PJA2: variants seen among roughly 807,000 people sequenced by gnomAD.
PJA2 encodes praja ring finger ubiquitin ligase 2, also known as E3 ubiquitin-protein ligase Praja-2.
Under a neutral mutation model 69.3 loss-of-function variants are expected in PJA2, and 25 were observed. The observed-to-expected ratio is 0.36, with a 90% CI of 0.26 to 0.50. PJA2 has a LOEUF of 0.50. PJA2 is among the 20% of genes least tolerant of loss of function. The pLI, the probability that PJA2 is intolerant of heterozygous loss-of-function variation, is 0.96. For missense variants in PJA2, 809 were observed against 830.2 expected (o/e 0.97, Z 0.31); for synonymous variants, 308 against 277.8 (o/e 1.11, Z -1.08).
At chr5:109,356,342 G>T (rs1453880773) in intron 6 of PJA2, among the ~76,000 whole-genome samples, 1 of 152,156 alleles carries the variant, frequency 6.6e-6, no homozygotes, top group East Asian at 1.9e-4. Context: ...TACAGGTTGA[G>T]CATCCCAAAT....
chr5:109,399,326 G>T (rs1474475824), intron 1 of PJA2, among the ~76,000 whole-genome samples: 1 of 151,970 alleles, frequency 6.6e-6, no homozygotes, highest in East Asian at 1.9e-4. Context: ...ACTGAGTACA[G>T]ATAAGGAAGA....
chr5:109,368,019 C>G (rs1002693023), intron 5 of PJA2, among the ~76,000 whole-genome samples: 35 of 152,188 alleles, frequency 2.3e-4, no homozygotes, highest in African/African-American at 8.4e-4. Context: ...AGACTGGACA[C>G]AAAGCCATAA....
intron 7 of PJA2, among the ~76,000 whole-genome samples, chr5:109,352,532 T>C (rs1228266666): frequency 6.6e-6 from 1 of 152,138 alleles, no homozygotes; most frequent in Non-Finnish European, 1.5e-5. Flanking sequence ...CAAGGCAGGT[T>C]AAATAATTTG....
intron 1 of PJA2, among the ~76,000 whole-genome samples, chr5:109,386,745 C>T (rs753844521): frequency 2.0e-5 from 3 of 152,042 alleles, no homozygotes; most frequent in Non-Finnish European, 4.4e-5. Flanking sequence ...AAAATACTAT[C>T]TCCCTCATAC....
At chr5:109,350,326 A>G (rs554929626) in intron 7 of PJA2, among the ~76,000 whole-genome samples, 1 of 152,290 alleles carries the variant, frequency 6.6e-6, no homozygotes, top group African/African-American at 2.4e-5. Context: ...AGGCAGTACA[A>G]TGTATTTACA....
rs756722799 is a variant in PJA2 at position 109,383,416 on chromosome 5, T to C, written c.18A>G (p.Glu6=). 9.9e-6 allele frequency: 16 copies of C among 1,613,182 alleles called. No individual in the cohort carries two copies. The highest frequency in any genetic ancestry group is 4.5e-5 in the East Asian group (2 of 44,868). The change falls in exon 2 of 10, where the codon GAA becomes GAG. Residue 6 remains glutamate (E), a synonymous_variant. Transcript: ENST00000361189. MSQYT[E]KEPAAMDQES... ...GACTTTCCTTACCTGCTGGCTCCTT[T>C]TCAGTGTACTGTGACATATATGGCA... is the stretch of plus-strand genomic sequence containing the variant.
intron 1 of PJA2, among the ~76,000 whole-genome samples, chr5:109,406,006 T>C (rs1451124162): frequency 1.3e-5 from 2 of 151,438 alleles, no homozygotes; most frequent in African/African-American, 4.8e-5. Context: ...AAAGAATGTA[T>C]TAAAAAATGC....
At chr5:109,389,989 T>A (rs1421689922) in intron 1 of PJA2, among the ~76,000 whole-genome samples, 2 of 152,048 alleles carry the variant, frequency 1.3e-5, no homozygotes, top group East Asian at 3.9e-4. Flanking sequence ...CTTTGAAGAT[T>A]AATGATACTA....
chr5:109,388,700 T>A (rs1747217324), intron 1 of PJA2, among the ~76,000 whole-genome samples: 1 of 152,174 alleles, frequency 6.6e-6, no homozygotes, highest in African/African-American at 2.4e-5. Context: ...TCAAATACAA[T>A]TTGATCCTTA....
intron 1 of PJA2, among the ~76,000 whole-genome samples, chr5:109,404,837 T>C (rs966011230): frequency 9.9e-5 from 15 of 152,212 alleles, no homozygotes; most frequent in African/African-American, 3.1e-4. Context: ...AGCACCACTC[T>C]ATCACACTCA....
chr5:109,393,864 A>G (rs890932513), intron 1 of PJA2, among the ~76,000 whole-genome samples: 2 of 152,178 alleles, frequency 1.3e-5, no homozygotes, highest in African/African-American at 4.8e-5. Flanking sequence ...AATACAAAAA[A>G]ATTCATGCTG....
intron 1 of PJA2, among the ~76,000 whole-genome samples, chr5:109,388,270 TC>T (rs1306392254): frequency 3.3e-5 from 5 of 152,142 alleles, no homozygotes; most frequent in African/African-American, 1.2e-4. Context: ...ACTAAGGTCT[TC>T]CGGCAACAGC....
intron 5 of PJA2, among the ~76,000 whole-genome samples, chr5:109,368,165 A>G (rs1762616772): frequency 6.6e-6 from 1 of 152,216 alleles, no homozygotes; most frequent in African/African-American, 2.4e-5. Flanking sequence ...ATGCAATTAG[A>G]CAAGAATATG....
At chr5:109,409,471 G>A (rs751032185) in intron 1 of PJA2, among the ~76,000 whole-genome samples, 12 of 152,314 alleles carry the variant, frequency 7.9e-5, no homozygotes, top group South Asian at 2.1e-4. Flanking sequence ...GTACAGTGGC[G>A]AGTGTAGGGG....
chr5:109,366,497 C>G (rs1762587302), intron 5 of PJA2, among the ~76,000 whole-genome samples: 1 of 152,176 alleles, frequency 6.6e-6, no homozygotes, highest in Non-Finnish European at 1.5e-5. Context: ...GAACTCAGCT[C>G]AAAAGTCAAT....
intron 3 of PJA2, among the ~76,000 whole-genome samples, chr5:109,380,923 T>C (rs1436661728): frequency 6.6e-6 from 1 of 151,672 alleles, no homozygotes; most frequent in Non-Finnish European, 1.5e-5. Context: ...GAGATCAGCC[T>C]GGCCAACGTG....
Position 109,344,277 on chromosome 5 carries a change from G to C in PJA2, c.1914C>G (p.Cys638Trp). ...IGQEQCCPIC[C>W]SEYIKDDIAT... The stretch of plus-strand genomic sequence containing the variant: ...CTATATCATCCTTAATATACTCACT[G>C]CAACAGATTGGACAGCATTGTTCCT... The change falls in exon 9 of 10, where the codon TGC becomes TGG. Residue 638 changes from cysteine to tryptophan, a missense_variant. Around this residue, in one of 4 missense-constraint regions of PJA2, gnomAD observed 19 missense variants for 62.9 expected, o/e 0.30. Transcript: ENST00000361189. 1 of 1,609,734 alleles carries C rather than the reference G, an allele frequency of 6.2e-7. No homozygotes were observed. The highest frequency in any genetic ancestry group is 8.5e-7 in the Non-Finnish European group (1 of 1,178,210).
Position 109,381,620 on chromosome 5 carries a change from T to C in PJA2, c.115A>G (p.Arg39Gly). 1 of 1,614,162 alleles carries C rather than the reference T, an allele frequency of 6.2e-7. No homozygotes were observed. ...GGTTTAAAACTGACATAAGCATGTC[T>C]TCTTCCATATCTCCTGCCTGTAATT... is the stretch of plus-strand genomic sequence containing the variant. ...QTITGRRYGR[R>G]HAYVSFKPCM... The change falls in exon 3 of 10, where the codon AGA becomes GGA. Residue 39 changes from arginine to glycine, a missense_variant. By Grantham distance (125) the Arg-to-Gly change is moderately radical. Coordinates refer to ENST00000361189, the MANE Select transcript of PJA2 (RefSeq NM_014819.5).
In PJA2 at chr5:109,346,872, TA is replaced by T. The variant is rs992125317; in HGVS notation, c.1765-2054del. ...TTATATTATGTTTATTTTACCATAATAAAAAAAAATGAACAAGCCAGGTTTC... is the reference window on the plus strand; with the variant it reads ...TTATATTATGTTTATTTTACCATAATAAAAAAAATGAACAAGCCAGGTTTC... On this transcript the variant is annotated intron_variant, in intron 7 of 9. Coordinates refer to ENST00000361189, the MANE Select transcript of PJA2 (RefSeq NM_014819.5). Among the ~76,000 whole-genome samples the T allele has an allele frequency of 5.7e-4, 86 of 151,524 alleles. 1 individual carries two copies. Among genetic ancestry groups the T allele is most frequent in the Non-Finnish European group, 9.6e-4 (65 of 67,800 alleles).
Sources: allele counts gnomAD v4.1 joint callset (sites outside exome capture counted in the v4.1 genomes callset), GRCh38; gene constraint gnomAD v4.1.1; regional missense constraint gnomAD v4.1.1; transcripts MANE v1.5; gene names NCBI Gene and HGNC (gene_info 2026-07-23, HGNC 2026-07-21).